Variants in CAMK2D observed in about 807,000 individuals in gnomAD.
CAMK2D encodes the protein calcium/calmodulin dependent protein kinase II delta, also known as calcium/calmodulin-dependent protein kinase type II subunit delta.
In CAMK2D, 37 loss-of-function variants were observed where a neutral mutation model predicts 84.0. The observed-to-expected ratio is 0.44, with a 90% CI of 0.34 to 0.58. The LOEUF is 0.58. CAMK2D is among the 20% of genes least tolerant of loss of function. CAMK2D has a pLI of 0.02. For synonymous variants in CAMK2D, 202 were observed against 212.5 expected (o/e 0.95, Z 0.43); for missense variants, 448 against 652.5 (o/e 0.69, Z 3.41).
At chr4:113,721,953 T>A (rs2099531802) in intron 2 of CAMK2D, among the ~76,000 whole-genome samples, 1 of 152,184 alleles carries the variant, frequency 6.6e-6, no homozygotes. Context: ...TTCTCCCCAC[T>A]GCCTTTCCCC....
intron 8 of CAMK2D, 133 bp downstream of exon 8, chr4:113,531,083 C>G: frequency 1.7e-6 from 1 of 590,864 alleles, no homozygotes; most frequent in East Asian, 2.9e-5. Context: ...GACACTGTAT[C>G]AAAATAAATA....
intron 4 of CAMK2D, among the ~76,000 whole-genome samples, chr4:113,598,339 A>C (rs1233663143): frequency 1.3e-5 from 2 of 152,228 alleles, no homozygotes; most frequent in Non-Finnish European, 2.9e-5. Flanking sequence ...ACATTAAAAA[A>C]AAATGAATGC....
intron 3 of CAMK2D, among the ~76,000 whole-genome samples, chr4:113,619,568 G>A (rs2099036420): frequency 6.6e-6 from 1 of 152,082 alleles, no homozygotes. Context: ...GCTGCTTCTG[G>A]AGAACTCCAG....
chr4:113,475,330 A>T (rs981241241), intron 16 of CAMK2D, among the ~76,000 whole-genome samples: 25 of 83,018 alleles, frequency 3.0e-4, no homozygotes, highest in East Asian at 2.1e-3. Context: ...GCTGGTTTTG[A>T]ATAACTAACA....
chr4:113,726,172 T>C (rs1369049405), intron 2 of CAMK2D, among the ~76,000 whole-genome samples: 1 of 152,166 alleles, frequency 6.6e-6, no homozygotes, highest in Non-Finnish European at 1.5e-5. Flanking sequence ...GAGGTACATA[T>C]TATATTACTC....
chr4:113,551,803 T>C (rs981438311), intron 5 of CAMK2D, among the ~76,000 whole-genome samples: 4 of 152,084 alleles, frequency 2.6e-5, no homozygotes, highest in African/African-American at 7.2e-5. Flanking sequence ...TCCAATTAGG[T>C]GGGGTGTTTT....
intron 2 of CAMK2D, among the ~76,000 whole-genome samples, chr4:113,734,908 AAAG>A (rs1188123305): frequency 1.3e-5 from 2 of 151,782 alleles, no homozygotes; most frequent in South Asian, 2.1e-4. Context: ...AAAAAAAAAA[AAAG>A]AAGCAGAAAA....
intron 19 of CAMK2D, chr4:113,456,815 C>T (rs1007098443): frequency 9.1e-5 from 14 of 153,996 alleles, no homozygotes; most frequent in African/African-American, 3.1e-4. Flanking sequence ...TGTGCCTAAT[C>T]GCTGACTGGA....
chr4:113,457,076 G>T, intron 19 of CAMK2D: 1 of 724,012 alleles, frequency 1.4e-6, no homozygotes, highest in Non-Finnish European at 2.0e-6. Flanking sequence ...ATTTAACCCT[G>T]TGAGATTTTG....
intron 12 of CAMK2D, 84 bp downstream of exon 12, chr4:113,513,244 T>A: frequency 6.3e-7 from 1 of 1,578,168 alleles, no homozygotes; most frequent in Non-Finnish European, 8.6e-7. Context: ...AATTATTAGA[T>A]TTTTAAAATT....
rs539290202 is a variant in CAMK2D, at chr4:113,491,589, T to C, written c.1135+8874A>G. Among the ~76,000 whole-genome samples, 4 of 152,260 alleles carry C rather than the reference T, an allele frequency of 2.6e-5. No homozygotes were observed. The East Asian group carries it at 7.7e-4, about 29-fold the overall frequency. On this transcript the variant is annotated intron_variant, in intron 16 of 20. Transcript: ENST00000511664. Reference sequence around the variant, plus strand: ...TTTGCATCAATGTTCATCAAGGATATTGGTCTAAAATTCTCTTTTTTTGTT... The same window carrying C: ...TTTGCATCAATGTTCATCAAGGATACTGGTCTAAAATTCTCTTTTTTTGTT...
chr4:113,718,524 T>C (rs999907481), intron 2 of CAMK2D, among the ~76,000 whole-genome samples: 1 of 152,180 alleles, frequency 6.6e-6, no homozygotes, highest in Non-Finnish European at 1.5e-5. Context: ...AGGAGCAATT[T>C]GGGAAGGTTT....
intron 4 of CAMK2D, among the ~76,000 whole-genome samples, chr4:113,556,968 C>T (rs7671514): frequency 0.023 from 3,556 of 152,214 alleles, 137 homozygotes; most frequent in East Asian, 0.11. Context: ...AAACTATAAG[C>T]ACCACTTCAT....
chr4:113,648,044 AT>A (rs1215755915), intron 3 of CAMK2D, among the ~76,000 whole-genome samples: 1 of 152,216 alleles, frequency 6.6e-6, no homozygotes, highest in Admixed American at 6.5e-5. Flanking sequence ...ATAGTAACTC[AT>A]TATAGCTTTA....
intron 2 of CAMK2D, among the ~76,000 whole-genome samples, chr4:113,690,088 A>C (rs2099382328): frequency 6.6e-6 from 1 of 152,230 alleles, no homozygotes; most frequent in African/African-American, 2.4e-5. Flanking sequence ...AAGCCAGATC[A>C]GGCAGGATAA....
chr4:113,520,750 G>A (rs954731989), intron 8 of CAMK2D, among the ~76,000 whole-genome samples: 13 of 152,072 alleles, frequency 8.5e-5, no homozygotes, highest in African/African-American at 2.9e-4. Flanking sequence ...AATGATGGCT[G>A]GGCATGGTGG....
intron 2 of CAMK2D, among the ~76,000 whole-genome samples, chr4:113,671,081 ATT>A (rs990034815): frequency 6.6e-6 from 1 of 152,134 alleles, no homozygotes; most frequent in African/African-American, 2.4e-5. Context: ...TGATAAACAT[ATT>A]TTGTTATTCT....
intron 3 of CAMK2D, among the ~76,000 whole-genome samples, chr4:113,612,832 T>C (rs1237227717): frequency 6.6e-6 from 1 of 152,184 alleles, no homozygotes; most frequent in Non-Finnish European, 1.5e-5. Flanking sequence ...AAAGTGCTTC[T>C]GAGGCTAAAA....
At chr4:113,517,796 T>C (rs939225270) in intron 8 of CAMK2D, 139 bp from the exon 9 acceptor site, 3 of 547,616 alleles carry the variant, frequency 5.5e-6, no homozygotes, top group Non-Finnish European at 1.0e-5. Flanking sequence ...GAAAGATGTG[T>C]TATGATCTAG....
Sources: allele counts gnomAD v4.1 joint callset (sites outside exome capture counted in the v4.1 genomes callset), GRCh38; gene constraint gnomAD v4.1.1; transcripts MANE v1.5; gene names NCBI Gene and HGNC (gene_info 2026-07-23, HGNC 2026-07-21).